The following VEPH1 variants were observed in gnomAD, a reference collection of about 807,000 sequenced individuals.
The protein encoded by VEPH1 is ventricular zone-expressed PH domain-containing protein homolog 1.
VEPH1 carries 80 observed loss-of-function variants against 85.2 expected under a neutral mutation model. The ratio of observed to expected loss-of-function variants is 0.94; its 90% CI spans 0.78 to 1.13. The LOEUF (loss-of-function observed/expected upper bound fraction) is 1.13. Ranked by LOEUF, VEPH1 falls within the 50% of genes most tolerant of loss-of-function variation. The pLI is 0.00. For missense variants in VEPH1, 955 were observed against 980.5 expected (o/e 0.97, Z 0.35); for synonymous variants, 297 against 348.0 (o/e 0.85, Z 1.63).
intron 9 of VEPH1, among the ~76,000 whole-genome samples, chr3:157,356,235 C>CA (rs201242707): frequency 9.0e-4 from 136 of 151,274 alleles, no homozygotes; most frequent in Admixed American, 2.2e-3. Context: ...CAAACAACAA[C>CA]AACAAAAAAA....
At chr3:157,438,027 GCGC>G in intron 4 of VEPH1, 1 of 828,126 alleles carries the variant, frequency 1.2e-6, no homozygotes, top group Non-Finnish European at 1.8e-6. Context: ...GGAAGCGCGC[GCGC>G]GCGCGCGCAC....
chr3:157,437,132 CAT>C, intron 4 of VEPH1: 1 of 1,560,038 alleles, frequency 6.4e-7, no homozygotes, highest in Non-Finnish European at 8.8e-7. Context: ...AAATAACACA[CAT>C]ATACTTTGTG....
At chr3:157,344,041 G>A (rs555523692) in intron 9 of VEPH1, among the ~76,000 whole-genome samples, 2 of 152,190 alleles carry the variant, frequency 1.3e-5, no homozygotes, top group African/African-American at 2.4e-5. Context: ...AATAATAAGA[G>A]CTATTTATGA....
intron 2 of VEPH1, among the ~76,000 whole-genome samples, chr3:157,481,479 A>ACAAAAC (rs1738079911): frequency 3.3e-5 from 4 of 121,472 alleles, no homozygotes; most frequent in African/African-American, 1.1e-4. Flanking sequence ...AAAAAAAAAA[A>ACAAAAC]AAAAAAACAA....
chr3:157,382,869 T>C (rs1391140997), intron 6 of VEPH1, among the ~76,000 whole-genome samples: 1 of 152,232 alleles, frequency 6.6e-6, no homozygotes, highest in East Asian at 1.9e-4. Context: ...TTTTACTCTG[T>C]TGACCAGGCT....
At chr3:157,364,115 AC>A (rs1202177046) in intron 8 of VEPH1, among the ~76,000 whole-genome samples, 187 bp downstream of exon 8, 1 of 152,194 alleles carries the variant, frequency 6.6e-6, no homozygotes, top group Non-Finnish European at 1.5e-5. Context: ...CATTCATAGT[AC>A]CCATTTAAAA....
At chr3:157,475,155 ATTT>A (rs557209438) in intron 2 of VEPH1, among the ~76,000 whole-genome samples, 1 of 127,606 alleles carries the variant, frequency 7.8e-6, no homozygotes, top group African/African-American at 3.0e-5. Context: ...AATTTTTTTA[ATTT>A]TTTTTTTTTT....
intron 9 of VEPH1, among the ~76,000 whole-genome samples, chr3:157,331,571 C>G (rs1577358653): frequency 2.0e-5 from 3 of 152,286 alleles, no homozygotes; most frequent in Admixed American, 2.0e-4. Context: ...AACTCTTCTT[C>G]CAACAGAAGA....
intron 9 of VEPH1, among the ~76,000 whole-genome samples, chr3:157,360,363 A>G (rs1725908778): frequency 6.6e-6 from 1 of 152,210 alleles, no homozygotes. Flanking sequence ...CAAAATGTCA[A>G]CTAAAAAAAT....
Position 157,261,309 on chromosome 3 carries a change from GCCACAGCC to G in VEPH1, c.2319_2326del (p.Lys773AsnfsTer20). On this transcript the variant is annotated frameshift_variant, in exon 14 of 14. Coordinates refer to ENST00000362010, the MANE Select transcript of VEPH1 (RefSeq NM_001167912.2). LOFTEE classifies it high-confidence loss of function. Reference sequence around the variant, plus strand: ...GAGAGAGCGGTCCCTGCGTTTCTTGGCCACAGCCTTCACACTCTGTACTTTGCTGAGTT... The same window carrying G: ...GAGAGAGCGGTCCCTGCGTTTCTTGGTTCACACTCTGTACTTTGCTGAGTT... 2 of 1,613,688 alleles carry G rather than the reference GCCACAGCC, an allele frequency of 1.2e-6. No individual in the cohort carries two copies. Among genetic ancestry groups the G allele is most frequent in the Non-Finnish European group, 1.7e-6 (2 of 1,179,748 alleles).
intron 11 of VEPH1, among the ~76,000 whole-genome samples, chr3:157,312,119 G>A (rs992476240): frequency 6.6e-6 from 1 of 152,100 alleles, no homozygotes; most frequent in African/African-American, 2.4e-5. Context: ...CTACTCATTT[G>A]TATTATGAAT....
At chr3:157,300,420 C>T (rs1718655517) in intron 11 of VEPH1, among the ~76,000 whole-genome samples, 1 of 152,094 alleles carries the variant, frequency 6.6e-6, no homozygotes, top group Non-Finnish European at 1.5e-5. Context: ...AATTGACATG[C>T]TTCATTATAG....
At chr3:157,413,660 A>G (rs1731687409) in intron 6 of VEPH1, 1 of 985,108 alleles carries the variant, frequency 1.0e-6, no homozygotes, top group South Asian at 4.7e-5. Context: ...TGTCCATGTA[A>G]AAGGACTGAA....
chr3:157,354,786 G>A lies in VEPH1; in HGVS notation c.1735+8578C>T, dbSNP rs1247791100. Reference sequence around the variant, plus strand: ...TATCTTCAGTGCCTAGCAAAACTTAGGGACTCAAATTTTTGTTGAATGAAT... The same window carrying A: ...TATCTTCAGTGCCTAGCAAAACTTAAGGACTCAAATTTTTGTTGAATGAAT... On this transcript the variant is annotated intron_variant, in intron 9 of 13. Coordinates refer to ENST00000362010, the MANE Select transcript of VEPH1 (RefSeq NM_001167912.2). Among the ~76,000 whole-genome samples, 4 of 152,130 alleles carry A rather than the reference G, an allele frequency of 2.6e-5. No individual in the cohort carries two copies. In the East Asian group the frequency reaches 7.7e-4, roughly 29 times the overall value.
At chr3:157,439,860 C>T (rs145003006) in intron 4 of VEPH1, among the ~76,000 whole-genome samples, 2,211 of 152,314 alleles carry the variant, frequency 0.015, 53 homozygotes, top group African/African-American at 0.05. Flanking sequence ...ACTCCATTCT[C>T]CTGCCTCAGC....
intron 1 of VEPH1, among the ~76,000 whole-genome samples, chr3:157,498,786 G>A (rs1170631402): frequency 6.6e-6 from 1 of 152,174 alleles, no homozygotes; most frequent in African/African-American, 2.4e-5. Context: ...TAGCAGGGAA[G>A]GTCAAAGCCA....
rs557190382 is a variant in VEPH1, at chr3:157,313,750, C to T, written c.1881G>A (p.Leu627=). The change falls in exon 11 of 14, where the codon CTG becomes CTA. Residue 627 remains leucine (L), a synonymous_variant. Coordinates refer to ENST00000362010, the MANE Select transcript of VEPH1 (RefSeq NM_001167912.2). ...TCTGAATGGACAGGGGTTCAGGAAA[C>T]AGGCTCTGAAAGGGCATTAAAGACA... ...IQIMFLFQQS[L]FPEPLSIQSH... The T allele has an allele frequency of 6.2e-7, 1 of 1,614,102 alleles. No individual in the cohort carries two copies. Among genetic ancestry groups the T allele is most frequent in the African/African-American group, 1.3e-5 (1 of 75,048 alleles).
intron 9 of VEPH1, among the ~76,000 whole-genome samples, chr3:157,360,669 A>G (rs1274220367): frequency 6.6e-6 from 1 of 152,106 alleles, no homozygotes; most frequent in African/African-American, 2.4e-5. Context: ...GAATACATAC[A>G]TTTGTCTACA....
Position 157,458,999 on chromosome 3 carries a change from A to C in VEPH1, c.529+1182T>G, listed in dbSNP as rs539845236. On this transcript the variant is annotated intron_variant, in intron 4 of 13. Coordinates refer to ENST00000362010, the MANE Select transcript of VEPH1 (RefSeq NM_001167912.2). Reference sequence around the variant, plus strand: ...TGAAAAACCATCTATGTTACTGCAAACATGGCAACTCAGTTTGGCACTGCT... The same window carrying C: ...TGAAAAACCATCTATGTTACTGCAACCATGGCAACTCAGTTTGGCACTGCT... Among the ~76,000 whole-genome samples the C allele has an allele frequency of 3.9e-5, 6 of 152,310 alleles. No individual in the cohort carries two copies. In the South Asian group the frequency reaches 6.2e-4, roughly 16 times the overall value.
Sources: gnomAD v4.1 joint callset for allele counts (sites outside exome capture counted in the v4.1 genomes callset) on GRCh38, gnomAD v4.1.1 for gene constraint, MANE v1.5 for transcripts, NCBI Gene and HGNC (gene_info 2026-07-23, HGNC 2026-07-21) for gene names.